The following TMEM117 variants were observed in gnomAD, a reference collection of about 807,000 sequenced individuals.
TMEM117 encodes the protein transmembrane protein 117.
TMEM117 carries 27 observed loss-of-function variants against 52.4 expected under a neutral mutation model. That is an observed-to-expected ratio of 0.51 (90% CI 0.38 to 0.71). The LOEUF (loss-of-function observed/expected upper bound fraction) is 0.71, where lower values mean the gene tolerates loss of function less well. TMEM117 is among the 30% of genes least tolerant of loss of function. The pLI, the probability that TMEM117 is intolerant of heterozygous loss-of-function variation, is 0.00. For missense variants in TMEM117, 556 were observed against 630.5 expected, an observed-to-expected ratio of 0.88 and a Z score of 1.26; for synonymous variants, 215 against 206.3, an observed-to-expected ratio of 1.04 and a Z score of -0.36.
chr12:44,220,799 A>G (rs778950328), intron 5 of TMEM117, among the ~76,000 whole-genome samples: 10 of 152,208 alleles, frequency 6.6e-5, no homozygotes, highest in Non-Finnish European at 1.3e-4. Context: ...AAGAAGTCTC[A>G]ATGGCCAAAG....
Position 44,388,475 on chromosome 12 carries a change from C to G in TMEM117, c.1348C>G (p.Arg450Gly), listed in dbSNP as rs1471751347. The G allele has an allele frequency of 3.1e-6, 5 of 1,613,236 alleles. No individual in the cohort carries two copies. Among genetic ancestry groups the G allele is most frequent in the Non-Finnish European group, 4.2e-6 (5 of 1,179,652 alleles). The change falls in exon 8 of 8, where the codon CGA becomes GGA. Residue 450 changes from arginine to glycine, a missense_variant. Coordinates refer to ENST00000266534, the MANE Select transcript of TMEM117 (RefSeq NM_032256.3). Reference protein sequence around the residue: ...SEHSKDMGITRENTQASVEDP... With the variant: ...SEHSKDMGITGENTQASVEDP... Reference sequence around the variant, plus strand: ...ACATAGCAAAGACATGGGAATCACTCGAGAAAACACCCAGGCTTCAGTAGA... The same window carrying G: ...ACATAGCAAAGACATGGGAATCACTGGAGAAAACACCCAGGCTTCAGTAGA...
intron 2 of TMEM117, among the ~76,000 whole-genome samples, chr12:43,882,347 C>G (rs759177112): frequency 6.6e-6 from 1 of 150,630 alleles, no homozygotes. Context: ...GTAATCCCAG[C>G]TACTCAGGAG....
chr12:44,292,029 CTGAATTTTTAGAAGAATT>C (rs1459811232), intron 5 of TMEM117, among the ~76,000 whole-genome samples: 1 of 151,956 alleles, frequency 6.6e-6, no homozygotes, highest in Non-Finnish European at 1.5e-5. Context: ...TCCTCTCCTT[CTGAATTTTTAGAAGAATT>C]TGAGAAGGAT....
intron 2 of TMEM117, among the ~76,000 whole-genome samples, chr12:43,871,446 AGTATCTCATT>A (rs1309309490): frequency 6.6e-6 from 1 of 152,132 alleles, no homozygotes; most frequent in African/African-American, 2.4e-5. Flanking sequence ...GGTATGAGAT[AGTATCTCATT>A]GTGGTTTTGA....
chr12:44,070,150 CA>C (rs1239520464), intron 3 of TMEM117, among the ~76,000 whole-genome samples: 8 of 152,200 alleles, frequency 5.3e-5, no homozygotes, highest in Non-Finnish European at 1.0e-4. Flanking sequence ...CTTGGCCTCC[CA>C]AAATGCTGGG....
chr12:44,036,241 G>A (rs1457044878), intron 3 of TMEM117, among the ~76,000 whole-genome samples: 2 of 152,114 alleles, frequency 1.3e-5, no homozygotes, highest in Non-Finnish European at 2.9e-5. Context: ...ATAGAAAGAA[G>A]TATATAAAAT....
intron 3 of TMEM117, among the ~76,000 whole-genome samples, chr12:44,137,375 A>G (rs1948506459): frequency 6.6e-6 from 1 of 152,116 alleles, no homozygotes; most frequent in African/African-American, 2.4e-5. Context: ...TAAGTGTATT[A>G]TGAAATGGTG....
the TMEM117 span, among the ~76,000 whole-genome samples, chr12:44,395,849 T>C: frequency 8.5e-5 from 13 of 152,196 alleles, no homozygotes; most frequent in Non-Finnish European, 1.8e-4. Context: ...TTACAGCCTG[T>C]GCCTAACTGC....
At chr12:43,945,554 C>G (rs1945118538) in intron 3 of TMEM117, among the ~76,000 whole-genome samples, 1 of 152,130 alleles carries the variant, frequency 6.6e-6, no homozygotes, top group African/African-American at 2.4e-5. Context: ...AATTCCTGAC[C>G]TCAGGTGATC....
intron 2 of TMEM117, among the ~76,000 whole-genome samples, chr12:43,932,625 C>T (rs1383311737): frequency 6.6e-6 from 1 of 152,130 alleles, no homozygotes; most frequent in African/African-American, 2.4e-5. Flanking sequence ...CTACTTACAC[C>T]TCAGCTTTCT....
At chr12:43,850,804 A>C (rs904090528) in intron 2 of TMEM117, among the ~76,000 whole-genome samples, 1 of 152,182 alleles carries the variant, frequency 6.6e-6, no homozygotes, top group Non-Finnish European at 1.5e-5. Context: ...GCATTTATTC[A>C]TTATTCATTT....
chr12:44,239,554 C>A (rs80202231), intron 5 of TMEM117, among the ~76,000 whole-genome samples: 2,739 of 152,154 alleles, frequency 0.018, 71 homozygotes, highest in African/African-American at 0.063. Context: ...AATATTCATT[C>A]AAAATAGTCC....
chr12:44,253,360 G>A (rs1035682306), intron 5 of TMEM117, among the ~76,000 whole-genome samples: 7 of 152,122 alleles, frequency 4.6e-5, no homozygotes, highest in Admixed American at 1.3e-4. Flanking sequence ...AACTTAAAAT[G>A]TTGTCTTTTA....
intron 5 of TMEM117, among the ~76,000 whole-genome samples, chr12:44,281,987 A>C (rs1405835174): frequency 2.0e-5 from 3 of 152,152 alleles, no homozygotes; most frequent in Non-Finnish European, 4.4e-5. Flanking sequence ...TGTAGGAGGG[A>C]TCCAAGGGGA....
intron 5 of TMEM117, among the ~76,000 whole-genome samples, chr12:44,284,376 G>A (rs897101387): frequency 1.3e-5 from 2 of 152,044 alleles, no homozygotes; most frequent in Non-Finnish European, 2.9e-5. Context: ...CCCCAGCCAC[G>A]TGGAACTGTA....
chr12:43,892,835 A>T (rs1944132086), intron 2 of TMEM117, among the ~76,000 whole-genome samples: 1 of 152,256 alleles, frequency 6.6e-6, no homozygotes, highest in Non-Finnish European at 1.5e-5. Flanking sequence ...GGTAGTCAAG[A>T]TTATGAAATA....
intron 5 of TMEM117, among the ~76,000 whole-genome samples, chr12:44,295,497 C>T (rs1431009478): frequency 1.3e-5 from 2 of 152,202 alleles, no homozygotes; most frequent in Admixed American, 6.5e-5. Flanking sequence ...GCATAAGCCA[C>T]TACGCTTGGC....
chr12:43,883,945 T>C (rs1943943914), intron 2 of TMEM117, among the ~76,000 whole-genome samples: 1 of 151,922 alleles, frequency 6.6e-6, no homozygotes, highest in African/African-American at 2.4e-5. Context: ...GAGACCAGCC[T>C]TGGCAACATG....
chr12:44,177,254 A>G (rs1181271656), intron 4 of TMEM117, among the ~76,000 whole-genome samples: 1 of 152,144 alleles, frequency 6.6e-6, no homozygotes, highest in Non-Finnish European at 1.5e-5. Flanking sequence ...TCACTAGATA[A>G]AAAAATTGTA....
Sources: allele counts gnomAD v4.1 joint callset (sites outside exome capture counted in the v4.1 genomes callset), GRCh38; gene constraint gnomAD v4.1.1; transcripts MANE v1.5; gene names NCBI Gene and HGNC (gene_info 2026-07-23, HGNC 2026-07-21).